The following HTR3C variants were observed in gnomAD, a reference collection of about 807,000 sequenced individuals.
The protein encoded by HTR3C is 5-HT3-C.
HTR3C carries 32 observed loss-of-function variants against 40.5 expected under a neutral mutation model. The observed-to-expected ratio is 0.79, with a 90% CI of 0.60 to 1.06. The LOEUF is 1.06. Ranked by LOEUF, HTR3C falls within the 50% of genes least tolerant of loss-of-function variation. HTR3C has a pLI of 0.00. For missense variants in HTR3C, 523 were observed against 556.8 expected, an observed-to-expected ratio of 0.94 and a Z score of 0.61; for synonymous variants, 209 against 217.1, an observed-to-expected ratio of 0.96 and a Z score of 0.33.
intron 5 of HTR3C, among the ~76,000 whole-genome samples, chr3:184,057,689 T>C (rs536673287): frequency 6.6e-6 from 1 of 152,238 alleles, no homozygotes; most frequent in South Asian, 2.1e-4. Flanking sequence ...GAGCCGAGAC[T>C]GCACCACTGC....
rs777817726 is a variant in HTR3C at position 184,060,404 on chromosome 3, T to C, written c.*52T>C. On this transcript the variant is annotated 3_prime_UTR_variant, in exon 9 of 9. Coordinates refer to ENST00000318351, the MANE Select transcript of HTR3C (RefSeq NM_130770.3). Reference sequence around the variant, plus strand: ...AACAGCTTGGAGTTTCTGCTGGTCTTGGGCCAGCCGGACTCATTTTCCTAA... The same window carrying C: ...AACAGCTTGGAGTTTCTGCTGGTCTCGGGCCAGCCGGACTCATTTTCCTAA... 1.2e-6 allele frequency: 2 copies of C among 1,608,220 alleles called. No homozygotes were observed. Among genetic ancestry groups the C allele is most frequent in the Non-Finnish European group, 1.7e-6 (2 of 1,174,778 alleles).
intron 1 of HTR3C, 21 bp from the exon 2 acceptor site, chr3:184,054,700 C>A: frequency 6.5e-7 from 1 of 1,541,514 alleles, no homozygotes; most frequent in South Asian, 1.3e-5. Flanking sequence ...CCCTCTCTCA[C>A]GGAGTCTCTG....
rs567457868 is a variant in HTR3C, at chr3:184,060,290, C to T, written c.1282C>T (p.Arg428Cys). Reference protein sequence around the residue: ...FSHAMDTLLFRLYLLFMASSI... With the variant: ...FSHAMDTLLFCLYLLFMASSI... Reference sequence around the variant, plus strand: ...CCACGCGATGGACACCCTGCTCTTCCGCCTCTACCTGCTCTTCATGGCCTC... The same window carrying T: ...CCACGCGATGGACACCCTGCTCTTCTGCCTCTACCTGCTCTTCATGGCCTC... Residue 428 changes from arginine to cysteine, a missense_variant, in exon 9 of 9, where the codon CGC becomes TGC. Coordinates refer to ENST00000318351, the MANE Select transcript of HTR3C (RefSeq NM_130770.3). 66 of 1,614,158 alleles carry T rather than the reference C, an allele frequency of 4.1e-5. No individual in the cohort carries two copies. The highest frequency in any genetic ancestry group is 2.0e-4 in the East Asian group (9 of 44,866).
chr3:184,057,959 C>T (rs1216914200), intron 5 of HTR3C, among the ~76,000 whole-genome samples: 4 of 152,122 alleles, frequency 2.6e-5, no homozygotes, highest in African/African-American at 2.4e-5. Context: ...AATCTTTTAA[C>T]TCTAATAGCT....
At chr3:184,054,514 G>A (rs1475940422) in intron 1 of HTR3C, among the ~76,000 whole-genome samples, 1 of 152,166 alleles carries the variant, frequency 6.6e-6, no homozygotes. Context: ...AATGAGAATA[G>A]AGCCCTGACC....
chr3:184,056,799 C>G, intron 4 of HTR3C, 76 bp from the exon 5 acceptor site: 3 of 1,335,426 alleles, frequency 2.2e-6, no homozygotes, highest in Non-Finnish European at 3.1e-6. Context: ...AAGGAGAGCA[C>G]AGCAGGGGAG....
rs1723291755 is a variant in HTR3C, at chr3:184,054,883, G to A, written c.230G>A (p.Gly77Glu). ...TCCTTCACCCTGTCTGCCATCCTGG[G>A]AGTGGTGAGACTTAGTCCCTGCATC... ...NISFTLSAIL[G>E]VDAQLQLLTS... is the part of the protein sequence containing the mutation. The change falls in exon 2 of 9, where the codon GGA becomes GAA. Residue 77 changes from glycine to glutamate, a missense_variant. By Grantham distance (98) the Gly-to-Glu change is moderately conservative (BLOSUM62 -2). Transcript: ENST00000318351. The A allele has an allele frequency of 3.1e-6, 5 of 1,602,912 alleles. No homozygotes were observed. Among genetic ancestry groups the A allele is most frequent in the Non-Finnish European group, 3.4e-6 (4 of 1,174,882 alleles).
chr3:184,060,512 G>A lies in HTR3C; in HGVS notation c.*160G>A, dbSNP rs1723426902. On this transcript the variant is annotated 3_prime_UTR_variant, in exon 9 of 9. Coordinates refer to ENST00000318351, the MANE Select transcript of HTR3C (RefSeq NM_130770.3). ...ACGCAGCACTAGCAAGCAGGTTCGG[G>A]ACAGCCCTGGACGATTTCCCGACCG... 4 of 833,568 alleles carry A rather than the reference G, an allele frequency of 4.8e-6. No homozygotes were observed. 51.6% of individuals were successfully genotyped at this position (833,568 alleles called of 1,614,324 possible).
chr3:184,059,280 GC>G (rs2108973008), intron 6 of HTR3C, among the ~76,000 whole-genome samples, 155 bp from the exon 7 acceptor site: 1 of 152,214 alleles, frequency 6.6e-6, no homozygotes, highest in East Asian at 1.9e-4. Flanking sequence ...CAAATCAGAG[GC>G]CCCTATGTAG....
Position 184,059,464 on chromosome 3 carries a change from A to G in HTR3C, c.749A>G (p.Tyr250Cys), listed in dbSNP as rs775913590. The change falls in exon 7 of 9, where the codon TAC (tyrosine) becomes TGC (cysteine). Residue 250 changes from tyrosine (Y) to cysteine (C), a missense_variant. Coordinates refer to ENST00000318351, the MANE Select transcript of HTR3C (RefSeq NM_130770.3). ...GCCATCAGGCGCAGGCCAAGCCTCT[A>G]CATCATAAACCTGCTGGTGCCCAGT... ...YVAIRRRPSL[Y>C]IINLLVPSSF... is the part of the protein sequence containing the mutation. 2 of 1,614,196 alleles carry G rather than the reference A, an allele frequency of 1.2e-6. No individual in the cohort carries two copies. The highest frequency in any genetic ancestry group is 1.1e-5 in the South Asian group (1 of 91,086).
intron 1 of HTR3C, among the ~76,000 whole-genome samples, chr3:184,054,028 C>T (rs951565883): frequency 2.0e-5 from 3 of 151,782 alleles, no homozygotes; most frequent in African/African-American, 7.3e-5. Context: ...GCTGGGATTA[C>T]AGGCGTGAGT....
chr3:184,060,565 C>T lies in HTR3C; in HGVS notation c.*213C>T. The T allele has an allele frequency of 1.6e-6, 1 of 612,074 alleles. No homozygotes were observed. The highest frequency in any genetic ancestry group is 2.0e-5 in the South Asian group (1 of 51,230). The allele number at this position is 612,074 out of a possible 1,614,324, so 37.9% of individuals were successfully genotyped here. A position where few individuals can be genotyped will look rare whatever the true frequency, so the allele number is the denominator to read the frequency against. ...GCTCAGGCTGCTCATTCCTGCTCACCCTCAGTCTCCCTGAGCTACCACCTA... is the reference window on the plus strand; with the variant it reads ...GCTCAGGCTGCTCATTCCTGCTCACTCTCAGTCTCCCTGAGCTACCACCTA... On this transcript the variant is annotated 3_prime_UTR_variant, in exon 9 of 9. Coordinates refer to ENST00000318351, the MANE Select transcript of HTR3C (RefSeq NM_130770.3).
rs1354285129 is a variant in HTR3C, at chr3:184,059,841, C to T, written c.939C>T (p.Ala313=). The T allele has an allele frequency of 1.2e-6, 2 of 1,613,974 alleles. No individual in the cohort carries two copies. The highest frequency in any genetic ancestry group is 2.2e-5 in the East Asian group (1 of 44,874). Residue 313 remains alanine (A), a synonymous_variant, in exon 8 of 9, where the codon GCC becomes GCT. Coordinates refer to ENST00000318351, the MANE Select transcript of HTR3C (RefSeq NM_130770.3). ...CTCTGCCCTCAGGTGTCTACTTCGC[C>T]CTGTGCCTGTCCCTGATGGTGGTCA... ...SGTPLISVYF[A]LCLSLMVVSL...
chr3:184,055,418 A>T, intron 3 of HTR3C, 62 bp downstream of exon 3: 1 of 1,235,830 alleles, frequency 8.1e-7, no homozygotes, highest in Non-Finnish European at 1.2e-6. Context: ...GAGGAGTTAG[A>T]AGTGACTTAA....
rs1056516342 is a variant in HTR3C at position 184,060,012 on chromosome 3, G to A, written c.1110G>A (p.Lys370=). 2.5e-6 allele frequency: 4 copies of A among 1,613,888 alleles called. No homozygotes were observed. Among genetic ancestry groups the A allele is most frequent in the Non-Finnish European group, 2.5e-6 (3 of 1,179,978 alleles). ...CCACTGCGCCCCAGAAGGGAAATAAGGGCCTGGGTCTCACCCTCACCCACC... is the reference window on the plus strand; with the variant it reads ...CCACTGCGCCCCAGAAGGGAAATAAAGGCCTGGGTCTCACCCTCACCCACC... The part of the protein sequence containing the change: ...CCPTAPQKGN[K]GLGLTLTHLP... Residue 370 remains lysine (K), a synonymous_variant, in exon 8 of 9, where the codon AAG becomes AAA. Coordinates refer to ENST00000318351, the MANE Select transcript of HTR3C (RefSeq NM_130770.3).
intron 5 of HTR3C, 65 bp from the exon 6 acceptor site, chr3:184,058,362 C>A: frequency 1.4e-6 from 2 of 1,478,696 alleles, no homozygotes; most frequent in Admixed American, 2.6e-5. Context: ...TGGGGGAGGA[C>A]TCCAATTTCG....
intron 8 of HTR3C, 31 bp from the exon 9 acceptor site, chr3:184,060,119 C>T (rs780669949): frequency 2.6e-5 from 42 of 1,608,188 alleles, no homozygotes; most frequent in Non-Finnish European, 3.2e-5. Context: ...CCCCTTCCCA[C>T]TCCATGACTG....
At position 184,056,240 on chromosome 3, in the gene HTR3C, G is replaced by A. The variant is rs781451103; in HGVS notation, c.343G>A (p.Val115Ile). 6.2e-7 allele frequency: 1 copy of A among 1,614,028 alleles called. No individual in the cohort carries two copies. Among genetic ancestry groups the A allele is most frequent in the Non-Finnish European group, 8.5e-7 (1 of 1,179,912 alleles). ...GTGTGTTGGCATCAATAAACTCACA[G>A]TATTAGCTGAAAACCTGTGGCTCCC... ...KECVGINKLT[V>I]LAENLWLPDI... The change falls in exon 4 of 9, where the codon GTA (valine) becomes ATA (isoleucine). Residue 115 changes from valine (V) to isoleucine (I), a missense_variant. Physicochemically the swap from Val to Ile is conservative, Grantham distance 29 (BLOSUM62 3). Transcript: ENST00000318351.
At chr3:184,058,305 A>C in intron 5 of HTR3C, 122 bp from the exon 6 acceptor site, 1 of 930,936 alleles carries the variant, frequency 1.1e-6, no homozygotes, top group Non-Finnish European at 1.5e-6. Context: ...GAAAACCAGG[A>C]TACCTTGCTT....
Sources: gnomAD v4.1 joint callset for allele counts (sites outside exome capture counted in the v4.1 genomes callset) on GRCh38, gnomAD v4.1.1 for gene constraint, MANE v1.5 for transcripts, NCBI Gene and HGNC (gene_info 2026-07-23, HGNC 2026-07-21) for gene names.